LPAR1: variants seen among roughly 807,000 people sequenced by gnomAD.
LPAR1 encodes the protein LPA receptor 1.
A neutral mutation model predicts 23.8 loss-of-function variants in LPAR1; 5 were observed. The ratio of observed to expected loss-of-function variants is 0.21; its 90% confidence interval spans 0.11 to 0.44. LPAR1 has a LOEUF of 0.44. Among genes scored for constraint, LPAR1 ranks in the 20% least tolerant of loss-of-function variants. LPAR1 has a pLI of 0.99. For missense variants in LPAR1, 311 were observed against 482.8 expected (o/e 0.64, Z 3.33); for synonymous variants, 160 against 164.7 (o/e 0.97, Z 0.22).
chr9:110,892,864 G>GGCAC lies in LPAR1; in HGVS notation c.794-17143_794-17142insGTGC, dbSNP rs1491142300. ...AGGCAGGCAGGCAGGCAGGCAGGCA[G>GGCAC]GCATGCAGGCAGGCAGGCTCAAAAA... On this transcript the variant is annotated intron_variant, in intron 5 of 5. Coordinates refer to ENST00000683809, the MANE Select transcript of LPAR1 (RefSeq NM_001351411.2). Among the ~76,000 whole-genome samples, 213 of 87,924 alleles carry GGCAC rather than the reference G, an allele frequency of 2.4e-3. 3 individuals carry two copies. Among genetic ancestry groups the GGCAC allele is most frequent in the Middle Eastern group, 6.8e-3 (1 of 146 alleles). The allele number at this position is 87,924 out of a possible 152,430, so 57.7% of individuals were successfully genotyped here. A position where few individuals can be genotyped will look rare whatever the true frequency, so the allele number is the denominator to read the frequency against.
intron 2 of LPAR1, among the ~76,000 whole-genome samples, chr9:111,025,973 C>G (rs1193125449): frequency 6.6e-6 from 1 of 152,086 alleles, no homozygotes; most frequent in African/African-American, 2.4e-5. Context: ...ATGCCTCCAG[C>G]TTTGTTCTTT....
At chr9:110,934,096 C>A (rs960180276) in intron 5 of LPAR1, among the ~76,000 whole-genome samples, 2 of 152,208 alleles carry the variant, frequency 1.3e-5, no homozygotes, top group Non-Finnish European at 2.9e-5. Context: ...GATATTCGCT[C>A]AGGTTCTTCC....
chr9:110,891,753 G>GA (rs148957934), intron 5 of LPAR1, among the ~76,000 whole-genome samples: 24,927 of 152,056 alleles, frequency 0.16, 2,600 homozygotes, highest in Admixed American at 0.24. Flanking sequence ...CTTCTCAAAA[G>GA]AAAATGTATA....
intron 5 of LPAR1, among the ~76,000 whole-genome samples, chr9:110,916,488 G>A (rs1462561060): frequency 6.6e-6 from 1 of 152,168 alleles, no homozygotes; most frequent in Non-Finnish European, 1.5e-5. Context: ...ATTGACATAG[G>A]ATACGATTTA....
chr9:110,942,867 A>G (rs1410222355), intron 4 of LPAR1, among the ~76,000 whole-genome samples: 1 of 152,146 alleles, frequency 6.6e-6, no homozygotes, highest in Non-Finnish European at 1.5e-5. Context: ...ACCTCCAAAG[A>G]GTAGGTGACC....
intron 4 of LPAR1, among the ~76,000 whole-genome samples, chr9:110,971,527 C>T (rs1311612097): frequency 3.3e-5 from 5 of 152,088 alleles, no homozygotes; most frequent in African/African-American, 1.2e-4. Flanking sequence ...ATGTCCCTGC[C>T]GTATTACTGC....
chr9:110,899,693 C>G (rs980104757), intron 5 of LPAR1, among the ~76,000 whole-genome samples: 2 of 152,328 alleles, frequency 1.3e-5, no homozygotes, highest in African/African-American at 4.8e-5. Context: ...ACCTGAGAAT[C>G]AGCATTTCTA....
intron 4 of LPAR1, among the ~76,000 whole-genome samples, chr9:110,947,171 T>C (rs2095412105): frequency 6.6e-6 from 1 of 152,176 alleles, no homozygotes; most frequent in African/African-American, 2.4e-5. Flanking sequence ...GTAGCTCATA[T>C]TTATTGCAAG....
chr9:111,022,894 C>CA (rs931115132), intron 2 of LPAR1, among the ~76,000 whole-genome samples: 5 of 149,042 alleles, frequency 3.4e-5, no homozygotes, highest in South Asian at 4.2e-4. Flanking sequence ...ACTAAAAATG[C>CA]AAAAAAAAAT....
chr9:110,936,386 G>T (rs2094709549), intron 5 of LPAR1, among the ~76,000 whole-genome samples: 1 of 152,204 alleles, frequency 6.6e-6, no homozygotes, highest in African/African-American at 2.4e-5. Context: ...CACCACTGGT[G>T]ACAGTCACCA....
At chr9:110,973,589 C>G (rs911903175) in intron 2 of LPAR1, 31 bp from the exon 3 acceptor site, 1 of 152,060 alleles carries the variant, frequency 6.6e-6, no homozygotes, top group Non-Finnish European at 1.5e-5. Flanking sequence ...TTCTAAAATC[C>G]TTTTGACATC....
chr9:110,916,759 A>T (rs2093152272), intron 5 of LPAR1, among the ~76,000 whole-genome samples: 1 of 152,144 alleles, frequency 6.6e-6, no homozygotes, highest in Non-Finnish European at 1.5e-5. Flanking sequence ...CCCCTAAAAA[A>T]ACTCCACTCA....
chr9:110,995,678 T>C (rs1213545453), intron 2 of LPAR1, among the ~76,000 whole-genome samples: 1 of 152,184 alleles, frequency 6.6e-6, no homozygotes, highest in Non-Finnish European at 1.5e-5. Context: ...AAGAAAGAGC[T>C]GGCCTCATTC....
chr9:110,985,611 T>C (rs2096764588), intron 2 of LPAR1, among the ~76,000 whole-genome samples: 1 of 152,094 alleles, frequency 6.6e-6, no homozygotes, highest in Non-Finnish European at 1.5e-5. Context: ...AAAACTTATA[T>C]AAGTAAACAC....
At chr9:110,975,385 T>G (rs917750135) in intron 2 of LPAR1, among the ~76,000 whole-genome samples, 1 of 152,138 alleles carries the variant, frequency 6.6e-6, no homozygotes, top group Non-Finnish European at 1.5e-5. Context: ...TTTGGAGCAG[T>G]CATTTCCCCA....
At chr9:111,018,400 C>T (rs1216695172) in intron 2 of LPAR1, among the ~76,000 whole-genome samples, 1 of 152,218 alleles carries the variant, frequency 6.6e-6, no homozygotes, top group Non-Finnish European at 1.5e-5. Context: ...CAGGAATCTA[C>T]TCTAAAGAAA....
At chr9:110,899,693 C>T (rs980104757) in intron 5 of LPAR1, among the ~76,000 whole-genome samples, 3 of 152,210 alleles carry the variant, frequency 2.0e-5, no homozygotes, top group African/African-American at 4.8e-5. Flanking sequence ...ACCTGAGAAT[C>T]AGCATTTCTA....
At chr9:111,004,873 A>G (rs576384051) in intron 2 of LPAR1, among the ~76,000 whole-genome samples, 18 of 152,338 alleles carry the variant, frequency 1.2e-4, no homozygotes, top group African/African-American at 4.3e-4. Context: ...ATTCAAATCC[A>G]TTCTTGGTTG....
chr9:111,005,575 A>AAAAAAAAAAAAAAAG (rs1564316925), intron 2 of LPAR1, among the ~76,000 whole-genome samples: 7 of 131,530 alleles, frequency 5.3e-5, no homozygotes, highest in African/African-American at 2.3e-4. Flanking sequence ...AAAAAAAAAA[A>AAAAAAAAAAAAAAAG]AAGAAGAATT....
Sources: allele counts gnomAD v4.1 joint callset (sites outside exome capture counted in the v4.1 genomes callset), GRCh38; gene constraint gnomAD v4.1.1; transcripts MANE v1.5; gene names NCBI Gene and HGNC (gene_info 2026-07-23, HGNC 2026-07-21).